Variants in PCED1B observed in about 807,000 individuals in gnomAD.
The protein encoded by PCED1B is PC-esterase domain containing 1B, also known as PC-esterase domain-containing protein 1B.
For missense variants in PCED1B, 573 were observed against 573.9 expected (o/e 1.00, Z 0.02); for synonymous variants, 251 against 246.1 (o/e 1.02, Z -0.19).
intron 2 of PCED1B, among the ~76,000 whole-genome samples, chr12:47,160,683 C>T (rs574643491): frequency 1.3e-5 from 2 of 151,614 alleles, no homozygotes; most frequent in South Asian, 4.1e-4. Flanking sequence ...TTCATATTTT[C>T]TTCTAAGACT....
chr12:47,232,972 T>C (rs1475034346), intron 3 of PCED1B, among the ~76,000 whole-genome samples: 1 of 151,978 alleles, frequency 6.6e-6, no homozygotes, highest in Non-Finnish European at 1.5e-5. Context: ...GGTCTCACTT[T>C]GTGGCCCAGG....
chr12:47,137,436 C>G (rs1197444876), intron 2 of PCED1B, among the ~76,000 whole-genome samples: 1 of 152,088 alleles, frequency 6.6e-6, no homozygotes, highest in African/African-American at 2.4e-5. Flanking sequence ...TAAAAGAATG[C>G]TATTAGATTC....
intron 2 of PCED1B, among the ~76,000 whole-genome samples, chr12:47,215,903 A>G (rs1329053075): frequency 6.6e-6 from 1 of 151,968 alleles, no homozygotes; most frequent in East Asian, 1.9e-4. Context: ...AAAAATACAA[A>G]ATCAGCCGGG....
At chr12:47,233,365 T>TCTC (rs1301321111) in intron 3 of PCED1B, among the ~76,000 whole-genome samples, 5 of 151,752 alleles carry the variant, frequency 3.3e-5, no homozygotes, top group Non-Finnish European at 5.9e-5. Flanking sequence ...AAGGTCTCGA[T>TCTC]CTGACCTCGT....
intron 2 of PCED1B, among the ~76,000 whole-genome samples, chr12:47,113,044 G>A (rs894955070): frequency 7.9e-5 from 12 of 152,116 alleles, no homozygotes; most frequent in African/African-American, 2.7e-4. Flanking sequence ...AACAGAACTA[G>A]CATTATTTAA....
intron 1 of PCED1B, among the ~76,000 whole-genome samples, chr12:47,085,973 T>C (rs1182014445): frequency 6.6e-6 from 1 of 152,208 alleles, no homozygotes; most frequent in Admixed American, 6.5e-5. Context: ...GCTGTCCTGC[T>C]TTAGCTCTGC....
At chr12:47,228,829 C>T (rs898574691) in intron 3 of PCED1B, among the ~76,000 whole-genome samples, 1 of 151,168 alleles carries the variant, frequency 6.6e-6, no homozygotes, top group Non-Finnish European at 1.5e-5. Flanking sequence ...GCTGAGATTG[C>T]ACCACTGCAC....
intron 1 of PCED1B, among the ~76,000 whole-genome samples, chr12:47,094,705 C>T (rs1326459357): frequency 1.3e-5 from 2 of 152,036 alleles, no homozygotes; most frequent in Non-Finnish European, 2.9e-5. Context: ...TGATTTATCC[C>T]TCCTGATTTT....
intron 1 of PCED1B, among the ~76,000 whole-genome samples, chr12:47,097,599 A>G (rs1216126230): frequency 4.6e-5 from 7 of 152,210 alleles, no homozygotes; most frequent in Non-Finnish European, 8.8e-5. Flanking sequence ...ATTTTTATGT[A>G]CAATGGATTC....
intron 2 of PCED1B, among the ~76,000 whole-genome samples, chr12:47,122,525 T>A (rs898675179): frequency 6.6e-6 from 1 of 152,252 alleles, no homozygotes; most frequent in Non-Finnish European, 1.5e-5. Context: ...ATTAAACATC[T>A]TGCAGCTGCT....
At chr12:47,082,808 A>C (rs1260829835) in intron 1 of PCED1B, among the ~76,000 whole-genome samples, 1 of 152,116 alleles carries the variant, frequency 6.6e-6, no homozygotes, top group East Asian at 1.9e-4. Flanking sequence ...CGTTTCTGCC[A>C]GGGTGGTTCC....
intron 1 of PCED1B, among the ~76,000 whole-genome samples, chr12:47,090,772 G>A (rs1335121981): frequency 6.6e-6 from 1 of 152,092 alleles, no homozygotes; most frequent in African/African-American, 2.4e-5. Flanking sequence ...GTATGTAGTT[G>A]TAAATCATTC....
At position 47,116,641 on chromosome 12, in the gene PCED1B, C is replaced by T. The variant is rs1246082680; in HGVS notation, c.-526+12446C>T. ...AGATCATTTGAGCCAAATTATTTGC[C>T]AATCTAAATATTAATTATTCATTTA... On this transcript the variant is annotated intron_variant, in intron 2 of 3. Transcript: ENST00000546455. 5.3e-5 allele frequency among the ~76,000 whole-genome samples: 8 copies of T among 152,152 alleles called. No homozygotes were observed. In the East Asian group the frequency reaches 1.4e-3, roughly 26 times the overall value.
intron 2 of PCED1B, among the ~76,000 whole-genome samples, chr12:47,134,389 C>A (rs540628926): frequency 9.8e-4 from 149 of 152,134 alleles, no homozygotes; most frequent in African/African-American, 3.5e-3. Flanking sequence ...TTCTTCAATT[C>A]AGTGAAATAC....
chr12:47,147,953 C>T (rs1479028738), intron 2 of PCED1B, among the ~76,000 whole-genome samples: 1 of 152,144 alleles, frequency 6.6e-6, no homozygotes, highest in Non-Finnish European at 1.5e-5. Flanking sequence ...TTTCTTCATT[C>T]CTTTTGTGTT....
chr12:47,231,413 G>T (rs936479280), intron 3 of PCED1B, among the ~76,000 whole-genome samples: 3 of 151,710 alleles, frequency 2.0e-5, no homozygotes, highest in African/African-American at 7.3e-5. Context: ...GGGTGCTAAA[G>T]CTAGTGGAGG....
chr12:47,126,224 T>A (rs1036342627), intron 2 of PCED1B, among the ~76,000 whole-genome samples: 1 of 152,098 alleles, frequency 6.6e-6, no homozygotes, highest in Non-Finnish European at 1.5e-5. Flanking sequence ...TTATAAGGAA[T>A]GCATGTAGGA....
At chr12:47,093,537 A>G (rs745987269) in intron 1 of PCED1B, among the ~76,000 whole-genome samples, 1 of 151,896 alleles carries the variant, frequency 6.6e-6, no homozygotes, top group Non-Finnish European at 1.5e-5. Flanking sequence ...TAACACTTAA[A>G]TCATTGATTT....
intron 2 of PCED1B, chr12:47,205,827 C>T (rs11183796): frequency 0.21 from 31,845 of 152,070 alleles, 4,207 homozygotes; most frequent in Non-Finnish European, 0.3. Flanking sequence ...TTGCCCACTG[C>T]GTAGACAGAG....
Sources: allele counts gnomAD v4.1 joint callset (sites outside exome capture counted in the v4.1 genomes callset), GRCh38; gene constraint gnomAD v4.1.1; transcripts MANE v1.5; gene names NCBI Gene and HGNC (gene_info 2026-07-23, HGNC 2026-07-21).